Variants in ACVR1C observed in about 807,000 individuals in gnomAD.
ACVR1C encodes activin A receptor type 1C.
Under a neutral mutation model 57.9 loss-of-function variants are expected in ACVR1C, and 23 were observed. The observed-to-expected ratio is 0.40, with a 90% CI of 0.29 to 0.56. The LOEUF is 0.56. Among genes scored for constraint, ACVR1C ranks in the 20% least tolerant of loss-of-function variants. The pLI is 0.50. For synonymous variants in ACVR1C, 214 were observed against 215.3 expected, an observed-to-expected ratio of 0.99 and a Z score of 0.05; for missense variants, 480 against 607.9, an observed-to-expected ratio of 0.79 and a Z score of 2.21.
In ACVR1C at chr2:157,531,611, T is replaced by C. The variant is rs749425419; in HGVS notation, c.*2307A>G. 1.3e-5 allele frequency: 2 copies of C among 152,060 alleles called. No homozygotes were observed. The highest frequency in any genetic ancestry group is 1.9e-4 in the East Asian group (1 of 5,188). 9.4% of individuals were successfully genotyped at this position (152,060 alleles called of 1,614,324 possible). A position where few individuals can be genotyped will look rare whatever the true frequency, so the allele number is the denominator to read the frequency against. ...TGTTTATTTGAGGCACGTACAACCA[T>C]AGTAAATAAATAATTTCGTTCTTAT... On this transcript the variant is annotated 3_prime_UTR_variant, in exon 9 of 9. Coordinates refer to ENST00000243349, the MANE Select transcript of ACVR1C (RefSeq NM_145259.3).
At position 157,538,031 on chromosome 2, in the gene ACVR1C, G is replaced by A. The variant is rs937524524; in HGVS notation, c.1356+542C>T. ...ATTGAATGTAAAGATGGTTGGAATT[G>A]TAATATTCTGTGTGGCAGAGACATT... On this transcript the variant is annotated intron_variant, in intron 8 of 8. Transcript: ENST00000243349. Among the ~76,000 whole-genome samples the A allele has an allele frequency of 2.0e-5, 3 of 152,302 alleles. No homozygotes were observed. The East Asian group carries it at 5.8e-4, about 29-fold the overall frequency.
chr2:157,587,052 C>G, intron 2 of ACVR1C, 135 bp downstream of exon 2: 1 of 812,590 alleles, frequency 1.2e-6, no homozygotes, highest in Non-Finnish European at 1.9e-6. Context: ...GAGAATTTTA[C>G]CAGCCAAAAT....
intron 1 of ACVR1C, among the ~76,000 whole-genome samples, chr2:157,620,802 G>A (rs1682755872): frequency 6.6e-6 from 1 of 151,998 alleles, no homozygotes; most frequent in South Asian, 2.1e-4. Context: ...ATATCCTGAT[G>A]AGTTAGATTT....
At chr2:157,547,703 A>G (rs1687802326) in intron 4 of ACVR1C, among the ~76,000 whole-genome samples, 1 of 145,874 alleles carries the variant, frequency 6.9e-6, no homozygotes, top group Non-Finnish European at 1.5e-5. Context: ...AGTTCATTGT[A>G]GATTCTGGAT....
chr2:157,612,346 C>A lies in ACVR1C; in HGVS notation c.73+16226G>T, dbSNP rs528353821. ...CAGACAGCCAGCTCCAAACAGGCAG[C>A]CCACCCCAGCCTCTGGCAGCAGCAA... On this transcript the variant is annotated intron_variant, in intron 1 of 8. Transcript: ENST00000243349. Among the ~76,000 whole-genome samples, 181 of 151,502 alleles carry A rather than the reference C, an allele frequency of 1.2e-3. 1 individual carries two copies. The highest frequency in any genetic ancestry group is 4.2e-3 in the African/African-American group (175 of 41,266).
chr2:157,553,007 CCAT>C (rs1247418889), intron 3 of ACVR1C, among the ~76,000 whole-genome samples: 2 of 152,176 alleles, frequency 1.3e-5, no homozygotes, highest in Admixed American at 6.5e-5. Flanking sequence ...ATCTGAGACA[CCAT>C]CATTTCTCAT....
In ACVR1C at chr2:157,532,983, G is replaced by T. The variant is rs908351591; in HGVS notation, c.*935C>A. Reference sequence around the variant, plus strand: ...AAACATTAATGCTCATTAACAAATGGGGTAACCATGATATTTCTATGAGAA... The same window carrying T: ...AAACATTAATGCTCATTAACAAATGTGGTAACCATGATATTTCTATGAGAA... On this transcript the variant is annotated 3_prime_UTR_variant, in exon 9 of 9. Transcript: ENST00000243349. 2 of 152,028 alleles carry T rather than the reference G, an allele frequency of 1.3e-5. No individual in the cohort carries two copies. The highest frequency in any genetic ancestry group is 2.9e-5 in the Non-Finnish European group (2 of 68,006). 9.4% of individuals were successfully genotyped at this position (152,028 alleles called of 1,614,324 possible). A position where few individuals can be genotyped will look rare whatever the true frequency, so the allele number is the denominator to read the frequency against.
intron 1 of ACVR1C, among the ~76,000 whole-genome samples, chr2:157,617,132 A>C (rs906481448): frequency 2.0e-5 from 3 of 152,072 alleles, no homozygotes; most frequent in Non-Finnish European, 4.4e-5. Flanking sequence ...TACTAAACAT[A>C]AGAAAATTGG....
chr2:157,600,498 AAGAC>A (rs1682256535), intron 1 of ACVR1C, among the ~76,000 whole-genome samples: 1 of 152,222 alleles, frequency 6.6e-6, no homozygotes, highest in Non-Finnish European at 1.5e-5. Flanking sequence ...GAGATAGAAA[AAGAC>A]AGAACTATCT....
At chr2:157,535,890 C>T (rs1184087060) in intron 8 of ACVR1C, among the ~76,000 whole-genome samples, 3 of 152,202 alleles carry the variant, frequency 2.0e-5, no homozygotes, top group Non-Finnish European at 4.4e-5. Context: ...CACTTCTCTG[C>T]CCTGACTCCT....
chr2:157,591,400 T>C (rs1001039370), intron 1 of ACVR1C, among the ~76,000 whole-genome samples: 2 of 151,936 alleles, frequency 1.3e-5, no homozygotes, highest in Non-Finnish European at 2.9e-5. Context: ...CCTCTGAAAA[T>C]AGAAAATGAA....
intron 1 of ACVR1C, among the ~76,000 whole-genome samples, chr2:157,617,251 T>G (rs953277654): frequency 6.6e-6 from 1 of 152,040 alleles, no homozygotes; most frequent in African/African-American, 2.4e-5. Flanking sequence ...GGCATGGAAA[T>G]TGTAAATGTG....
At chr2:157,608,135 T>G (rs1191926743) in intron 1 of ACVR1C, among the ~76,000 whole-genome samples, 2 of 151,918 alleles carry the variant, frequency 1.3e-5, no homozygotes, top group East Asian at 1.9e-4. Context: ...ACATATTACT[T>G]TTATTATTTT....
At chr2:157,543,559 C>A (rs1687669967) in intron 5 of ACVR1C, among the ~76,000 whole-genome samples, 2 of 152,074 alleles carry the variant, frequency 1.3e-5, no homozygotes, top group South Asian at 4.1e-4. Context: ...GTTTTAATTT[C>A]TAATATTGTA....
chr2:157,564,325 T>C lies in ACVR1C; in HGVS notation c.305-7993A>G, dbSNP rs148486971. Among the ~76,000 whole-genome samples the C allele has an allele frequency of 5.1e-3, 778 of 152,204 alleles. 4 individuals carry two copies. Among genetic ancestry groups the C allele is most frequent in the African/African-American group, 0.018 (733 of 41,522 alleles). On this transcript the variant is annotated intron_variant, in intron 2 of 8. Coordinates refer to ENST00000243349, the MANE Select transcript of ACVR1C (RefSeq NM_145259.3). The stretch of plus-strand genomic sequence containing the variant: ...ATATGAACAGACACTTCTCAGAAGA[T>C]GACATTTATGCAGGCAACAAGCATA...
intron 3 of ACVR1C, among the ~76,000 whole-genome samples, chr2:157,554,224 A>AAAGG (rs1432977047): frequency 2.4e-5 from 3 of 122,656 alleles, no homozygotes; most frequent in Non-Finnish European, 4.9e-5. Context: ...AGAAAGAAAG[A>AAAGG]AAGAAAGAAA....
rs568126232 is a variant in ACVR1C at position 157,576,887 on chromosome 2, G to A, written c.304+10300C>T. On this transcript the variant is annotated intron_variant, in intron 2 of 8. Transcript: ENST00000243349. ...TTTTGAGACGGAGTCTCGCTCTGTCGCCCAGGCCGGACTGCGGACTGCAGT... is the reference window on the plus strand; with the variant it reads ...TTTTGAGACGGAGTCTCGCTCTGTCACCCAGGCCGGACTGCGGACTGCAGT... Among the ~76,000 whole-genome samples, 30 of 31,174 alleles carry A rather than the reference G, an allele frequency of 9.6e-4. 6 individuals are homozygous for A. The highest frequency in any genetic ancestry group is 7.6e-3 in the South Asian group (13 of 1,706). 20.5% of individuals were successfully genotyped at this position (31,174 alleles called of 152,430 possible).
At chr2:157,539,621 C>T (rs1372315588) in intron 7 of ACVR1C, among the ~76,000 whole-genome samples, 1 of 152,096 alleles carries the variant, frequency 6.6e-6, no homozygotes, top group Non-Finnish European at 1.5e-5. Flanking sequence ...TGCTATCTGC[C>T]GTGCATTGCC....
At chr2:157,596,983 G>A (rs1366688534) in intron 1 of ACVR1C, among the ~76,000 whole-genome samples, 2 of 152,170 alleles carry the variant, frequency 1.3e-5, no homozygotes, top group African/African-American at 4.8e-5. Context: ...GAGCACTACT[G>A]AATCCGGCTG....
Sources: allele counts gnomAD v4.1 joint callset (sites outside exome capture counted in the v4.1 genomes callset), GRCh38; gene constraint gnomAD v4.1.1; transcripts MANE v1.5; gene names NCBI Gene and HGNC (gene_info 2026-07-23, HGNC 2026-07-21).